GALNT14: variants seen among roughly 807,000 people sequenced by gnomAD.
The protein encoded by GALNT14 is UDP-GalNAc:polypeptide N-acetylgalactosaminyltransferase 14.
GALNT14 carries 60 observed loss-of-function variants against 77.5 expected under a neutral mutation model. The ratio of observed to expected loss-of-function variants is 0.77; its 90% CI spans 0.63 to 0.96. GALNT14 has a LOEUF of 0.96. Ranked by LOEUF, GALNT14 falls within the 40% of genes least tolerant of loss-of-function variation. The pLI is 0.00. For missense variants in GALNT14, 710 were observed against 731.0 expected (o/e 0.97, Z 0.33); for synonymous variants, 280 against 281.7 (o/e 0.99, Z 0.06).
intron 1 of GALNT14, among the ~76,000 whole-genome samples, chr2:31,137,741 A>G (rs771563112): frequency 2.9e-4 from 44 of 152,082 alleles, no homozygotes; most frequent in Non-Finnish European, 5.7e-4. Flanking sequence ...CCCACCACCC[A>G]CACCCACTGC....
the GALNT14 span, among the ~76,000 whole-genome samples, chr2:30,886,967 C>T: frequency 6.6e-6 from 1 of 152,224 alleles, no homozygotes; most frequent in African/African-American, 2.4e-5. Context: ...ATTGACTTTT[C>T]AGATATTTCA....
chr2:30,968,162 C>A (rs1194439532), intron 2 of GALNT14, among the ~76,000 whole-genome samples: 1 of 152,222 alleles, frequency 6.6e-6, no homozygotes, highest in Non-Finnish European at 1.5e-5. Flanking sequence ...ATGCCCTTGT[C>A]CATCTTTACA....
At chr2:31,007,067 C>T (rs1172454072) in intron 1 of GALNT14, among the ~76,000 whole-genome samples, 3 of 152,140 alleles carry the variant, frequency 2.0e-5, no homozygotes, top group African/African-American at 7.2e-5. Flanking sequence ...GACTTTATCT[C>T]GTGGGACTCT....
At chr2:31,044,515 G>A (rs1032555044) in intron 1 of GALNT14, among the ~76,000 whole-genome samples, 1 of 152,166 alleles carries the variant, frequency 6.6e-6, no homozygotes, top group Non-Finnish European at 1.5e-5. Flanking sequence ...CTAGGAACTT[G>A]TACTTCAATA....
chr2:30,949,551 C>A (rs968884937), intron 6 of GALNT14, among the ~76,000 whole-genome samples: 8 of 152,202 alleles, frequency 5.3e-5, no homozygotes, highest in African/African-American at 4.8e-5. Context: ...CAAGTCCCTA[C>A]TCTCCACCCA....
chr2:30,890,136 G>A, the GALNT14 span, among the ~76,000 whole-genome samples: 1 of 152,126 alleles, frequency 6.6e-6, no homozygotes, highest in South Asian at 2.1e-4. Context: ...CCACAGTAAT[G>A]GCCACCAGTA....
chr2:30,901,456 T>C, the GALNT14 span, among the ~76,000 whole-genome samples: 12 of 151,974 alleles, frequency 7.9e-5, no homozygotes, highest in African/African-American at 2.7e-4. Context: ...ACAACATATA[T>C]ATATGCCAAC....
chr2:31,037,346 T>G (rs1672801577), intron 1 of GALNT14, among the ~76,000 whole-genome samples: 1 of 152,250 alleles, frequency 6.6e-6, no homozygotes, highest in Non-Finnish European at 1.5e-5. Context: ...ATCAATAATT[T>G]TACCTACTTA....
intron 1 of GALNT14, among the ~76,000 whole-genome samples, chr2:31,105,415 G>T (rs1219082018): frequency 6.6e-6 from 1 of 152,054 alleles, no homozygotes; most frequent in African/African-American, 2.4e-5. Flanking sequence ...CCACTTCTCT[G>T]AGGCCCCCTG....
chr2:30,940,018 C>T (rs1319831342), intron 9 of GALNT14, among the ~76,000 whole-genome samples: 2 of 148,710 alleles, frequency 1.3e-5, no homozygotes, highest in African/African-American at 5.0e-5. Context: ...AAAAAAAAAT[C>T]CAGAAATGGC....
intron 1 of GALNT14, among the ~76,000 whole-genome samples, chr2:31,042,433 G>A (rs1036239362): frequency 2.6e-5 from 4 of 152,142 alleles, no homozygotes; most frequent in African/African-American, 9.7e-5. Flanking sequence ...ATCTGAATTG[G>A]TGAAGAAAAA....
At chr2:30,932,401 C>A (rs550987390) in intron 9 of GALNT14, among the ~76,000 whole-genome samples, 1 of 152,312 alleles carries the variant, frequency 6.6e-6, no homozygotes, top group African/African-American at 2.4e-5. Context: ...TATAAGTGAG[C>A]AGGGAAACAG....
intron 1 of GALNT14, among the ~76,000 whole-genome samples, chr2:31,091,173 C>T (rs568088192): frequency 2.7e-4 from 41 of 152,104 alleles, no homozygotes; most frequent in Non-Finnish European, 5.4e-4. Context: ...CCAAATCCTA[C>T]CCACCCCCCA....
intron 1 of GALNT14, among the ~76,000 whole-genome samples, chr2:31,026,739 A>G (rs1369167564): frequency 6.6e-6 from 1 of 152,170 alleles, no homozygotes; most frequent in African/African-American, 2.4e-5. Flanking sequence ...GTAATCTCCA[A>G]GGTTTCTTCC....
intron 1 of GALNT14, among the ~76,000 whole-genome samples, chr2:31,078,009 G>A (rs1199270727): frequency 6.6e-6 from 1 of 152,240 alleles, no homozygotes; most frequent in South Asian, 2.1e-4. Context: ...GCTAGAGCAA[G>A]TCGGAAGAAA....
intron 1 of GALNT14, among the ~76,000 whole-genome samples, chr2:31,014,836 GC>G (rs1443915728): frequency 6.6e-6 from 1 of 152,104 alleles, no homozygotes; most frequent in African/African-American, 2.4e-5. Flanking sequence ...AGTCTTTCCT[GC>G]CATAATTAAT....
chr2:31,114,665 T>C, intron 1 of GALNT14: 2 of 666,028 alleles, frequency 3.0e-6, no homozygotes, highest in South Asian at 1.7e-5. Flanking sequence ...AGCTTGTGAA[T>C]AACAATAATC....
chr2:31,127,915 C>T (rs1234616038), intron 1 of GALNT14, among the ~76,000 whole-genome samples: 1 of 152,120 alleles, frequency 6.6e-6, no homozygotes, highest in Non-Finnish European at 1.5e-5. Context: ...TTATTCCACA[C>T]ATAGTTTTTA....
intron 2 of GALNT14, among the ~76,000 whole-genome samples, chr2:30,986,588 T>C (rs774880483): frequency 6.6e-6 from 1 of 152,220 alleles, no homozygotes; most frequent in Non-Finnish European, 1.5e-5. Flanking sequence ...TAGTTCTCTA[T>C]TGTATTAAAA....
Sources: gnomAD v4.1 joint callset for allele counts (sites outside exome capture counted in the v4.1 genomes callset) on GRCh38, gnomAD v4.1.1 for gene constraint, MANE v1.5 for transcripts, NCBI Gene and HGNC (gene_info 2026-07-23, HGNC 2026-07-21) for gene names.